The following SEMA3A variants were observed in gnomAD, a reference collection of about 807,000 sequenced individuals.
SEMA3A encodes the protein semaphorin 3A, also known as semaphorin-3A.
A neutral mutation model predicts 97.9 loss-of-function variants in SEMA3A; 29 were observed. The observed-to-expected ratio is 0.30, with a 90% CI of 0.22 to 0.40. The LOEUF is 0.40. Ranked by LOEUF, SEMA3A falls within the 10% of genes least tolerant of loss-of-function variation. The probability of loss-of-function intolerance (pLI) is 1.00; values close to 1 mark genes in which losing one functional copy is unlikely to be tolerated. For missense variants in SEMA3A, 763 were observed against 951.3 expected (o/e 0.80, Z 2.60); for synonymous variants, 321 against 323.7 (o/e 0.99, Z 0.09).
chr7:84,299,390 A>C (rs989843504), intron 3 of SEMA3A, among the ~76,000 whole-genome samples: 4 of 149,026 alleles, frequency 2.7e-5, no homozygotes, highest in Non-Finnish European at 5.9e-5. Context: ...ATATATACAC[A>C]CATCTCCTAC....
intron 1 of SEMA3A, among the ~76,000 whole-genome samples, chr7:84,178,805 G>A (rs1029018487): frequency 6.6e-6 from 1 of 151,996 alleles, no homozygotes; most frequent in Non-Finnish European, 1.5e-5. Context: ...TATTCAATTA[G>A]TCCCTGAACT....
chr7:84,399,153 G>T (rs901636195), intron 1 of SEMA3A, among the ~76,000 whole-genome samples: 10 of 152,244 alleles, frequency 6.6e-5, no homozygotes, highest in African/African-American at 2.4e-4. Flanking sequence ...GTGGGATTAT[G>T]CATTGGAACT....
intron 3 of SEMA3A, among the ~76,000 whole-genome samples, chr7:84,269,671 T>G (rs2115697118): frequency 6.6e-6 from 1 of 152,262 alleles, no homozygotes; most frequent in South Asian, 2.1e-4. Flanking sequence ...AAATAAACAT[T>G]ACTGTATTAT....
At chr7:84,461,435 G>A (rs543590359) in intron 1 of SEMA3A, among the ~76,000 whole-genome samples, 1 of 150,666 alleles carries the variant, frequency 6.6e-6, no homozygotes, top group Non-Finnish European at 1.5e-5. Context: ...TCATGAATAT[G>A]TATTTTTGAT....
intron 12 of SEMA3A, among the ~76,000 whole-genome samples, chr7:83,990,741 G>A (rs1331465215): frequency 2.7e-5 from 3 of 109,294 alleles, no homozygotes; most frequent in Non-Finnish European, 5.8e-5. Context: ...ATAGTTTGAA[G>A]TCAGGTAGTG....
intron 3 of SEMA3A, among the ~76,000 whole-genome samples, chr7:84,220,299 TA>T (rs1321602991): frequency 2.0e-5 from 3 of 152,164 alleles, no homozygotes; most frequent in Non-Finnish European, 4.4e-5. Context: ...GTTCTCTTGA[TA>T]ATTTCACCAC....
chr7:84,338,140 T>A (rs1379272769), intron 2 of SEMA3A, among the ~76,000 whole-genome samples: 1 of 151,250 alleles, frequency 6.6e-6, no homozygotes, highest in Non-Finnish European at 1.5e-5. Flanking sequence ...TGTGTATATA[T>A]ATAATAAAAT....
Position 84,255,854 on chromosome 7 carries a change from T to C in SEMA3A, c.-83+51353A>G, listed in dbSNP as rs142583434. Among the ~76,000 whole-genome samples, 432 of 150,384 alleles carry C rather than the reference T, an allele frequency of 2.9e-3. 4 individuals are homozygous for C. Among genetic ancestry groups the C allele is most frequent in the African/African-American group, 0.011 (419 of 39,864 alleles). On this transcript the variant is annotated intron_variant, in intron 3 of 3. Transcript: ENST00000424555. ...CCAACTGAAAAAACAGGCAAGACTT[T>C]TAAAATGTTAATGTCCTCTTTATTA... is the stretch of plus-strand genomic sequence containing the variant.
At chr7:84,427,964 G>A (rs893644087) in intron 1 of SEMA3A, among the ~76,000 whole-genome samples, 8 of 152,060 alleles carry the variant, frequency 5.3e-5, no homozygotes, top group Non-Finnish European at 1.2e-4. Flanking sequence ...GAGTGATTCA[G>A]CATTTATAAA....
intron 1 of SEMA3A, among the ~76,000 whole-genome samples, chr7:84,466,005 C>T (rs927997665): frequency 1.3e-5 from 2 of 152,140 alleles, no homozygotes; most frequent in Admixed American, 6.5e-5. Context: ...ATAGCTGACA[C>T]CTCAGGTATT....
chr7:84,067,638 A>G (rs1033889024), intron 4 of SEMA3A, among the ~76,000 whole-genome samples: 8 of 152,234 alleles, frequency 5.3e-5, no homozygotes, highest in African/African-American at 1.2e-4. Context: ...TTCTCAAAAG[A>G]AGACATTTAT....
chr7:84,123,618 C>CAT lies in SEMA3A; in HGVS notation c.333+5504_333+5505insAT, dbSNP rs535489512. 3.1e-3 allele frequency among the ~76,000 whole-genome samples: 469 copies of CAT among 150,260 alleles called. 5 individuals are homozygous for CAT. The highest frequency in any genetic ancestry group is 0.011 in the African/African-American group (448 of 41,130). ...ATGCATGTACATGCATGCGCAGGCA[C>CAT]ACACACACACTCTATATAGAAAAAA... On this transcript the variant is annotated intron_variant, in intron 3 of 16. Transcript: ENST00000265362.
In SEMA3A at chr7:84,188,347, T is replaced by C. The variant is rs992159149; in HGVS notation, c.112+6128A>G. Among the ~76,000 whole-genome samples the C allele has an allele frequency of 2.0e-5, 3 of 152,004 alleles. No homozygotes were observed. The East Asian group carries it at 5.8e-4, about 29-fold the overall frequency. ...TTACTGTTTGGAAATAGTGTGTGGA[T>C]TGCCTATTTATACTGATGTTTATGT... On this transcript the variant is annotated intron_variant, in intron 1 of 16. Coordinates refer to ENST00000265362, the MANE Select transcript of SEMA3A (RefSeq NM_006080.3).
chr7:84,332,902 T>G (rs1300413343), intron 2 of SEMA3A, among the ~76,000 whole-genome samples: 1 of 152,076 alleles, frequency 6.6e-6, no homozygotes, highest in Non-Finnish European at 1.5e-5. Flanking sequence ...ACTTAACATT[T>G]CAGAGTTATG....
intron 2 of SEMA3A, among the ~76,000 whole-genome samples, chr7:84,368,301 T>C (rs542803438): frequency 2.4e-4 from 36 of 151,308 alleles, no homozygotes; most frequent in East Asian, 9.7e-4. Flanking sequence ...CTTTATTTTG[T>C]ATGCAATCCA....
chr7:84,129,085 A>T, intron 3 of SEMA3A, 38 bp downstream of exon 3: 1 of 1,479,240 alleles, frequency 6.8e-7, no homozygotes, highest in Non-Finnish European at 9.5e-7. Flanking sequence ...AATGAAGGAT[A>T]CTCAACCTGT....
intron 3 of SEMA3A, among the ~76,000 whole-genome samples, chr7:84,210,108 G>T: frequency 6.6e-6 from 1 of 152,166 alleles, no homozygotes; most frequent in Non-Finnish European, 1.5e-5. Flanking sequence ...TTATTTCAAT[G>T]AATAGTTATC....
chr7:84,003,421 G>C (rs1790540148), intron 11 of SEMA3A, among the ~76,000 whole-genome samples: 2 of 152,006 alleles, frequency 1.3e-5, no homozygotes, highest in African/African-American at 4.8e-5. Context: ...TACTCAACTA[G>C]GATCAATATA....
chr7:84,367,234 G>A (rs951054785), intron 2 of SEMA3A, among the ~76,000 whole-genome samples: 9 of 151,208 alleles, frequency 6.0e-5, no homozygotes, highest in African/African-American at 1.2e-4. Context: ...ATGAATGTAT[G>A]TCCACAATGT....
Sources: allele counts gnomAD v4.1 joint callset (sites outside exome capture counted in the v4.1 genomes callset), GRCh38; gene constraint gnomAD v4.1.1; transcripts MANE v1.5; gene names NCBI Gene and HGNC (gene_info 2026-07-23, HGNC 2026-07-21).